LGR5: variants seen among roughly 807,000 people sequenced by gnomAD.
The protein encoded by LGR5 is leucine rich repeat containing G protein-coupled receptor 5.
Under a neutral mutation model 76.7 loss-of-function variants are expected in LGR5, and 54 were observed. The ratio of observed to expected loss-of-function variants is 0.70; its 90% CI spans 0.57 to 0.88. The LOEUF is 0.88. LGR5 is among the 40% of genes least tolerant of loss of function. The pLI is 0.00. For missense variants in LGR5, 1,078 were observed against 1,073.3 expected (o/e 1.00, Z -0.06); for synonymous variants, 406 against 421.9 (o/e 0.96, Z 0.46).
intron 1 of LGR5, among the ~76,000 whole-genome samples, chr12:71,487,910 G>A (rs965824780): frequency 6.6e-6 from 1 of 152,178 alleles, no homozygotes; most frequent in African/African-American, 2.4e-5. Flanking sequence ...ATCAACAGTA[G>A]TTATACGCCA....
In LGR5 at chr12:71,440,480, G is replaced by A. The variant is rs1028418255; in HGVS notation, c.212+188G>A. Among the ~76,000 whole-genome samples, 6 of 152,192 alleles carry A rather than the reference G, an allele frequency of 3.9e-5. No homozygotes were observed. Among genetic ancestry groups the A allele is most frequent in the African/African-American group, 1.2e-4 (5 of 41,452 alleles). ...CACGTGTCTCGGGGAGTAGCGTGCC[G>A]GCACTTTCTGGACCCGCAGAGAAAT... is the stretch of plus-strand genomic sequence containing the variant. On this transcript the variant is annotated intron_variant, in intron 1 of 17. Transcript: ENST00000266674. This position sits in a 1 kb window ranked among gnomAD's most constrained non-coding sequence, Gnocchi z 5.3.
intron 1 of LGR5, among the ~76,000 whole-genome samples, chr12:71,451,575 C>A (rs1482128439): frequency 6.6e-6 from 1 of 152,062 alleles, no homozygotes; most frequent in Non-Finnish European, 1.5e-5. Context: ...TTTCTGTAAC[C>A]CCACATTTTA....
chr12:71,540,484 T>C (rs1280829), intron 4 of LGR5, among the ~76,000 whole-genome samples: 47,095 of 152,126 alleles, frequency 0.31, 7,454 homozygotes, highest in Admixed American at 0.39. Flanking sequence ...ATGTATAATT[T>C]CTGCCTGGCA....
At chr12:71,487,697 T>G (rs1220932112) in intron 1 of LGR5, among the ~76,000 whole-genome samples, 1 of 152,218 alleles carries the variant, frequency 6.6e-6, no homozygotes, top group Non-Finnish European at 1.5e-5. Flanking sequence ...TCACCACACC[T>G]GGCTGAATTT....
intron 4 of LGR5, among the ~76,000 whole-genome samples, chr12:71,543,375 A>T (rs1876982837): frequency 1.3e-5 from 2 of 152,152 alleles, no homozygotes; most frequent in South Asian, 4.1e-4. Context: ...AGGACTCCCC[A>T]TTCCAAGAGT....
At chr12:71,530,430 G>A (rs1457314585) in intron 3 of LGR5, among the ~76,000 whole-genome samples, 1 of 152,142 alleles carries the variant, frequency 6.6e-6, no homozygotes, top group Non-Finnish European at 1.5e-5. Flanking sequence ...GCCCTGACCT[G>A]AGTAAGGATG....
At chr12:71,513,919 G>A (rs531323802) in intron 2 of LGR5, among the ~76,000 whole-genome samples, 1 of 152,102 alleles carries the variant, frequency 6.6e-6, no homozygotes, top group Non-Finnish European at 1.5e-5. Flanking sequence ...AATATCAGTT[G>A]AGCTCCATAC....
At chr12:71,476,950 A>G (rs1162716418) in intron 1 of LGR5, among the ~76,000 whole-genome samples, 1 of 152,220 alleles carries the variant, frequency 6.6e-6, no homozygotes, top group Non-Finnish European at 1.5e-5. Context: ...GTTTATCTCA[A>G]GTGACAGAAA....
chr12:71,487,371 T>G (rs1342024335), intron 1 of LGR5, among the ~76,000 whole-genome samples: 1 of 152,188 alleles, frequency 6.6e-6, no homozygotes, highest in African/African-American at 2.4e-5. Context: ...GGAATTTCAT[T>G]TGTCTTCAGT....
intron 3 of LGR5, among the ~76,000 whole-genome samples, chr12:71,533,292 C>A (rs916515076): frequency 1.2e-4 from 19 of 152,130 alleles, no homozygotes. Context: ...TTGCAGTGGG[C>A]CGAGATTGCG....
At chr12:71,575,927 T>C (rs1878835696) in intron 13 of LGR5, among the ~76,000 whole-genome samples, 1 of 152,192 alleles carries the variant, frequency 6.6e-6, no homozygotes, top group Admixed American at 6.5e-5. Context: ...GATAAGATCA[T>C]GTCCTTTACA....
At chr12:71,509,798 C>T (rs896021304) in intron 2 of LGR5, among the ~76,000 whole-genome samples, 2 of 152,132 alleles carry the variant, frequency 1.3e-5, no homozygotes, top group African/African-American at 4.8e-5. Context: ...GAATCAAATA[C>T]TCGATTTAGA....
In LGR5 at chr12:71,553,203, G is replaced by A. The variant is rs748575341; in HGVS notation, c.559G>A (p.Ala187Thr). Reference protein sequence around the residue: ...IPVQAFRSLSALQAMTLALNK... With the variant: ...IPVQAFRSLSTLQAMTLALNK... ...CGTCCAGGCTTTTAGAAGTTTATCGGCATTGCAAGCCATGACCTTGGCCCT... is the reference window on the plus strand; with the variant it reads ...CGTCCAGGCTTTTAGAAGTTTATCGACATTGCAAGCCATGACCTTGGCCCT... Residue 187 changes from alanine to threonine, a missense_variant, in exon 5 of 18, where the codon GCA (alanine) becomes ACA (threonine). Transcript: ENST00000266674. The A allele has an allele frequency of 8.1e-6, 13 of 1,614,020 alleles. No homozygotes were observed. Among genetic ancestry groups the A allele is most frequent in the Non-Finnish European group, 1.0e-5 (12 of 1,180,000 alleles).
At chr12:71,521,975 C>G (rs1365394726) in intron 2 of LGR5, among the ~76,000 whole-genome samples, 1 of 152,204 alleles carries the variant, frequency 6.6e-6, no homozygotes, top group East Asian at 1.9e-4. Flanking sequence ...GCTTTCCAAA[C>G]TGATGGTCAA....
upstream of LGR5, among the ~76,000 whole-genome samples, chr12:71,439,537 G>C (rs573366026): frequency 6.6e-6 from 1 of 152,012 alleles, no homozygotes; most frequent in Non-Finnish European, 1.5e-5. Context: ...AGGGTGGGGG[G>C]GTCCCCTATT....
In LGR5 at chr12:71,573,218, A is replaced by T. The variant is rs368826948; in HGVS notation, c.1208+297A>T. 2.8e-4 allele frequency among the ~76,000 whole-genome samples: 42 copies of T among 152,292 alleles called. No homozygotes were observed. In the East Asian group the frequency reaches 7.9e-3, roughly 29 times the overall value. On this transcript the variant is annotated intron_variant, in intron 13 of 17. Coordinates refer to ENST00000266674, the MANE Select transcript of LGR5 (RefSeq NM_003667.4). ...GTCCACAACCTGGAATCGACAAGAA[A>T]CATTTTACATGCAAAAATGGGATGA...
At chr12:71,508,724 A>G (rs907136238) in intron 2 of LGR5, among the ~76,000 whole-genome samples, 2 of 139,104 alleles carry the variant, frequency 1.4e-5, no homozygotes, top group Non-Finnish European at 3.0e-5. Context: ...ACTGCAGTCC[A>G]GCCTGGTGAT....
chr12:71,457,773 G>A (rs1220363779), intron 1 of LGR5, among the ~76,000 whole-genome samples: 1 of 152,136 alleles, frequency 6.6e-6, no homozygotes, highest in Non-Finnish European at 1.5e-5. Flanking sequence ...TTTCCCTGAA[G>A]CTCAGCCTTT....
intron 4 of LGR5, among the ~76,000 whole-genome samples, chr12:71,547,187 T>A (rs761894080): frequency 5.3e-5 from 8 of 152,230 alleles, no homozygotes; most frequent in Non-Finnish European, 1.0e-4. Context: ...CCAGGTGTTA[T>A]AATATTTTTC....
Sources: allele counts gnomAD v4.1 joint callset (sites outside exome capture counted in the v4.1 genomes callset), GRCh38; gene constraint gnomAD v4.1.1; non-coding constraint Gnocchi (gnomAD v3.1); transcripts MANE v1.5; gene names NCBI Gene and HGNC (gene_info 2026-07-23, HGNC 2026-07-21).